The following AMPH variants were observed in gnomAD, a reference collection of about 807,000 sequenced individuals.
AMPH encodes amphiphysin.
In AMPH, 49 loss-of-function variants were observed where a neutral mutation model predicts 99.1. The observed-to-expected ratio is 0.49, with a 90% CI of 0.39 to 0.63. The LOEUF is 0.63. Ranked by LOEUF, AMPH falls within the 20% of genes least tolerant of loss-of-function variation. The pLI is 0.00. For synonymous variants in AMPH, 314 were observed against 317.3 expected, an observed-to-expected ratio of 0.99 and a Z score of 0.11; for missense variants, 759 against 863.4, an observed-to-expected ratio of 0.88 and a Z score of 1.52.
At chr7:38,488,179 T>C (rs1275127941) in intron 5 of AMPH, among the ~76,000 whole-genome samples, 4 of 152,210 alleles carry the variant, frequency 2.6e-5, no homozygotes, top group South Asian at 2.1e-4. Context: ...ACTGGGTATA[T>C]ACCCAAAGGA....
intron 18 of AMPH, chr7:38,392,829 GT>G (rs1160104352): frequency 6.6e-6 from 1 of 152,292 alleles, no homozygotes; most frequent in African/African-American, 2.4e-5. Flanking sequence ...TCCAGCCGGG[GT>G]TTGGAGATCA....
intron 1 of AMPH, among the ~76,000 whole-genome samples, chr7:38,552,788 G>A (rs1402045707): frequency 1.3e-5 from 2 of 152,174 alleles, no homozygotes; most frequent in East Asian, 3.9e-4. Flanking sequence ...CCAAGTAGAA[G>A]CTAAAGTTTT....
chr7:38,621,855 A>T (rs538206749), intron 1 of AMPH, among the ~76,000 whole-genome samples: 1 of 152,214 alleles, frequency 6.6e-6, no homozygotes, highest in Non-Finnish European at 1.5e-5. Flanking sequence ...ATCATTCCTC[A>T]AAAGAGATTT....
chr7:38,624,539 G>T, intron 1 of AMPH, among the ~76,000 whole-genome samples: 1 of 140,644 alleles, frequency 7.1e-6, no homozygotes, highest in Non-Finnish European at 1.5e-5. Context: ...GCTCACTACA[G>T]TCATGGTAAA....
intron 1 of AMPH, among the ~76,000 whole-genome samples, chr7:38,608,209 A>C (rs1457298589): frequency 6.6e-6 from 1 of 152,130 alleles, no homozygotes; most frequent in East Asian, 1.9e-4. Context: ...TGCATAAGAC[A>C]CAGCCTGGGT....
In AMPH at chr7:38,448,763, T is replaced by C. The variant is rs527788015; in HGVS notation, c.1018-12375A>G. 1.1e-4 allele frequency among the ~76,000 whole-genome samples: 17 copies of C among 152,332 alleles called. 1 individual carries two copies. The highest frequency in any genetic ancestry group is 4.1e-4 in the African/African-American group (17 of 41,574). ...TTACTCACAATCTAGACCTATCGAT[T>C]GTTCTCTCACATTTGCTTTATGTGC... is the stretch of plus-strand genomic sequence containing the variant. On this transcript the variant is annotated intron_variant, in intron 11 of 20. Transcript: ENST00000356264.
intron 14 of AMPH, among the ~76,000 whole-genome samples, chr7:38,427,643 C>A (rs937499930): frequency 2.7e-4 from 11 of 40,118 alleles, no homozygotes; most frequent in Non-Finnish European, 4.3e-4. Flanking sequence ...GTTGTTGATG[C>A]TGCTGCTTTT....
At chr7:38,471,829 T>C (rs1787898494) in intron 7 of AMPH, among the ~76,000 whole-genome samples, 1 of 152,070 alleles carries the variant, frequency 6.6e-6, no homozygotes, top group Admixed American at 6.6e-5. Flanking sequence ...AAAAGAGAGC[T>C]TGAATGGCTA....
At chr7:38,563,242 C>A (rs1791619772) in intron 1 of AMPH, among the ~76,000 whole-genome samples, 2 of 137,716 alleles carry the variant, frequency 1.5e-5, no homozygotes. Context: ...CCCATAGAAC[C>A]AACCAGTCTT....
intron 1 of AMPH, among the ~76,000 whole-genome samples, chr7:38,590,371 C>CA (rs1792811246): frequency 6.6e-6 from 1 of 152,104 alleles, no homozygotes; most frequent in African/African-American, 2.4e-5. Context: ...AAGTCAGCAG[C>CA]GGGTCTGTGA....
intron 1 of AMPH, among the ~76,000 whole-genome samples, chr7:38,565,399 C>T (rs949153184): frequency 4.6e-5 from 7 of 152,224 alleles, no homozygotes; most frequent in Middle Eastern, 3.4e-3. Context: ...AGTCTGAGAT[C>T]GAGGTGCCAT....
At chr7:38,515,868 G>C (rs1355957168) in intron 2 of AMPH, among the ~76,000 whole-genome samples, 1 of 152,224 alleles carries the variant, frequency 6.6e-6, no homozygotes, top group East Asian at 1.9e-4. Context: ...TTAGGAACTG[G>C]AGCAAAGGTC....
At chr7:38,498,223 A>G (rs369347258) in intron 3 of AMPH, among the ~76,000 whole-genome samples, 2 of 152,146 alleles carry the variant, frequency 1.3e-5, no homozygotes, top group East Asian at 3.9e-4. Context: ...TCTTAAATCT[A>G]GCCCCTTCCT....
chr7:38,395,939 T>A (rs1562725249), intron 17 of AMPH, among the ~76,000 whole-genome samples: 1 of 152,178 alleles, frequency 6.6e-6, no homozygotes, highest in South Asian at 2.1e-4. Context: ...ACAGAATATA[T>A]ACAGTACATT....
chr7:38,476,497 TCAGA>T (rs1788090310), intron 6 of AMPH, among the ~76,000 whole-genome samples: 2 of 152,154 alleles, frequency 1.3e-5, no homozygotes, highest in Non-Finnish European at 2.9e-5. Context: ...ATCCGTACTC[TCAGA>T]CAATCAAAAG....
intron 17 of AMPH, among the ~76,000 whole-genome samples, chr7:38,404,864 G>T (rs1784939192): frequency 6.6e-6 from 1 of 152,076 alleles, no homozygotes; most frequent in Admixed American, 6.5e-5. Flanking sequence ...GAGAACATCT[G>T]GGAGGTACTA....
rs1366051459 is a variant in AMPH at position 38,571,335 on chromosome 7, T to C, written c.70-36324A>G. 1.7e-4 allele frequency among the ~76,000 whole-genome samples: 10 copies of C among 60,470 alleles called. No homozygotes were observed. In the East Asian group the frequency reaches 2.2e-3, roughly 13 times the overall value. The allele number at this position is 60,470 out of a possible 152,430, so 39.7% of individuals were successfully genotyped here. A position where few individuals can be genotyped will look rare whatever the true frequency, so the allele number is the denominator to read the frequency against. ...TTTATATATAGAATATATATATTTATATATAGAATATATATATTTACATAT... is the reference window on the plus strand; with the variant it reads ...TTTATATATAGAATATATATATTTACATATAGAATATATATATTTACATAT... On this transcript the variant is annotated intron_variant, in intron 1 of 20. Coordinates refer to ENST00000356264, the MANE Select transcript of AMPH (RefSeq NM_001635.4).
intron 3 of AMPH, among the ~76,000 whole-genome samples, chr7:38,501,991 A>C (rs1200559823): frequency 2.0e-5 from 3 of 152,130 alleles, no homozygotes; most frequent in African/African-American, 7.2e-5. Flanking sequence ...ATTCATGAGG[A>C]TAAGGCTTTT....
intron 3 of AMPH, among the ~76,000 whole-genome samples, chr7:38,497,180 C>G (rs973504434): frequency 5.3e-5 from 8 of 152,004 alleles, no homozygotes; most frequent in African/African-American, 1.7e-4. Context: ...ACTGGCAGAG[C>G]TTTTAGGGAT....
Sources: gnomAD v4.1 joint callset for allele counts (sites outside exome capture counted in the v4.1 genomes callset) on GRCh38, gnomAD v4.1.1 for gene constraint, MANE v1.5 for transcripts, NCBI Gene and HGNC (gene_info 2026-07-23, HGNC 2026-07-21) for gene names.